The following CDH23 variants were observed in gnomAD, a reference collection of about 807,000 sequenced individuals.
CDH23 encodes the protein cadherin related 23, also known as cadherin-23.
In CDH23, 189 loss-of-function variants were observed where a neutral mutation model predicts 317.1. The ratio of observed to expected loss-of-function variants is 0.60; its 90% confidence interval spans 0.53 to 0.67. The LOEUF is 0.67. Ranked by LOEUF, CDH23 falls within the 30% of genes least tolerant of loss-of-function variation. The probability of loss-of-function intolerance (pLI) is 0.00; values close to 1 mark genes in which losing one functional copy is unlikely to be tolerated. For missense variants in CDH23, 4,401 were observed against 4,592.4 expected (o/e 0.96, Z 1.20); for synonymous variants, 1,839 against 1,876.8 (o/e 0.98, Z 0.52).
At chr10:71,493,669 A>G (rs1419634248) in intron 3 of CDH23, among the ~76,000 whole-genome samples, 7 of 152,202 alleles carry the variant, frequency 4.6e-5, no homozygotes, top group Admixed American at 4.6e-4. Flanking sequence ...CGTTACTGTA[A>G]TAAAGGCTCT....
intron 16 of CDH23, among the ~76,000 whole-genome samples, chr10:71,678,266 G>A (rs1025833450): frequency 6.6e-6 from 1 of 152,128 alleles, no homozygotes; most frequent in African/African-American, 2.4e-5. Flanking sequence ...GCTGCAGCTG[G>A]AAGGAGCCAC....
At chr10:71,549,100 C>G (rs1230746887) in intron 6 of CDH23, among the ~76,000 whole-genome samples, 1 of 152,220 alleles carries the variant, frequency 6.6e-6, no homozygotes, top group Non-Finnish European at 1.5e-5. Context: ...GTGGATATGG[C>G]CCACTACTGA....
chr10:71,537,362 G>A (rs1855758585), intron 6 of CDH23, among the ~76,000 whole-genome samples: 1 of 152,200 alleles, frequency 6.6e-6, no homozygotes, highest in African/African-American at 2.4e-5. Context: ...GACACGGTGG[G>A]GAGGGGTAGT....
chr10:71,495,051 G>C (rs1852884799), intron 3 of CDH23, among the ~76,000 whole-genome samples: 1 of 152,166 alleles, frequency 6.6e-6, no homozygotes, highest in South Asian at 2.1e-4. Context: ...CCCTGCCCCT[G>C]AGTGGGGGCA....
At chr10:71,811,081 C>CAA (rs35466313) in intron 62 of CDH23, among the ~76,000 whole-genome samples, 3,352 of 66,950 alleles carry the variant, frequency 0.05, 209 homozygotes, top group African/African-American at 0.16. Context: ...GACTCCATCT[C>CAA]AAAAAAAAAA....
chr10:71,783,550 A>G (rs1841014254), intron 41 of CDH23, among the ~76,000 whole-genome samples: 1 of 152,222 alleles, frequency 6.6e-6, no homozygotes, highest in African/African-American at 2.4e-5. Flanking sequence ...CCAGGTCAGC[A>G]TCTGAGAATC....
chr10:71,805,987 C>G lies in CDH23; in HGVS notation c.8054C>G (p.Ala2685Gly). The change falls in exon 56 of 70, where the codon GCG becomes GGG. Residue 2685 changes from alanine to glycine, a missense_variant. By Grantham distance (60) the Ala-to-Gly change is moderately conservative (BLOSUM62 0). Around this residue, in one of 3 missense-constraint regions of CDH23, gnomAD observed 1,144 missense variants for 1,138.2 expected, o/e 1.01. Transcript: ENST00000224721. ...CAGCGCCTGGACCGCGAGTCGCAGG[C>G]GGTGTACAGCGTAAGGGCGGGGCCC... Reference protein sequence around the residue: ...TAQRLDRESQAVYSLILVASD... With the variant: ...TAQRLDRESQGVYSLILVASD... The G allele has an allele frequency of 7.7e-7, 1 of 1,296,928 alleles. No homozygotes were observed. Among genetic ancestry groups the G allele is most frequent in the Admixed American group, 2.0e-5 (1 of 50,274 alleles). The allele number at this position is 1,296,928 out of a possible 1,614,324, so 80.3% of individuals were successfully genotyped here. A position where few individuals can be genotyped will look rare whatever the true frequency, so the allele number is the denominator to read the frequency against.
At chr10:71,716,258 C>T (rs560620908) in intron 28 of CDH23, 68 of 1,544,448 alleles carry the variant, frequency 4.4e-5, no homozygotes, top group Non-Finnish European at 6.0e-5. Context: ...TGCAAGGGTC[C>T]CGGGAGTGAC....
At chr10:71,511,821 A>G (rs114897661) in intron 6 of CDH23, 7,515 of 155,754 alleles carry the variant, frequency 0.048, 645 homozygotes, top group African/African-American at 0.17. Flanking sequence ...CGATGGCACC[A>G]GGGTTCCCAC....
chr10:71,797,398 G>A (rs1841432092), intron 49 of CDH23, among the ~76,000 whole-genome samples, 178 bp downstream of exon 49: 1 of 152,148 alleles, frequency 6.6e-6, no homozygotes, highest in Admixed American at 6.5e-5. Flanking sequence ...TGAGGCCCAG[G>A]GTGGTGATGG....
chr10:71,520,497 A>C (rs1854609315), intron 6 of CDH23, among the ~76,000 whole-genome samples: 1 of 152,206 alleles, frequency 6.6e-6, no homozygotes, highest in Non-Finnish European at 1.5e-5. Flanking sequence ...GGGCCATCAA[A>C]GGTGGCTGGG....
intron 41 of CDH23, among the ~76,000 whole-genome samples, chr10:71,780,382 G>T (rs915215452): frequency 6.6e-6 from 1 of 152,204 alleles, no homozygotes; most frequent in Admixed American, 6.5e-5. Flanking sequence ...GGAGGATGGG[G>T]AATGCCAGGG....
At chr10:71,728,205 C>T (rs1458642236) in intron 30 of CDH23, among the ~76,000 whole-genome samples, 1 of 152,160 alleles carries the variant, frequency 6.6e-6, no homozygotes, top group Non-Finnish European at 1.5e-5. Flanking sequence ...CCGCACCCAC[C>T]CTACCCAGGA....
intron 47 of CDH23, 32 bp downstream of exon 47, chr10:71,791,367 A>C: frequency 3.8e-6 from 6 of 1,577,336 alleles, no homozygotes; most frequent in South Asian, 1.1e-5. Context: ...GCACCCCACA[A>C]CCAGGGGCCG....
intron 38 of CDH23, among the ~76,000 whole-genome samples, chr10:71,771,423 A>G (rs747410320): frequency 2.6e-4 from 39 of 152,378 alleles, no homozygotes; most frequent in Middle Eastern, 3.4e-3. Context: ...GACCTTGGGC[A>G]ACATACCCAG....
At chr10:71,461,523 C>G (rs1482497377) in intron 3 of CDH23, among the ~76,000 whole-genome samples, 1 of 152,220 alleles carries the variant, frequency 6.6e-6, no homozygotes, top group African/African-American at 2.4e-5. Flanking sequence ...TGGAGAACAG[C>G]GCCAGGGTGA....
At chr10:71,633,877 G>A (rs901127704) in intron 11 of CDH23, among the ~76,000 whole-genome samples, 36 of 152,196 alleles carry the variant, frequency 2.4e-4, no homozygotes, top group Admixed American at 1.3e-3. Flanking sequence ...AACCATGCAG[G>A]AAAGGTGGAA....
intron 38 of CDH23, among the ~76,000 whole-genome samples, chr10:71,758,380 G>A (rs1017614214): frequency 1.3e-5 from 2 of 152,210 alleles, no homozygotes; most frequent in Non-Finnish European, 2.9e-5. Flanking sequence ...CACATACAGG[G>A]TATAGAGGGG....
Position 71,799,364 on chromosome 10 carries a change from G to A in CDH23, c.7224+84G>A, listed in dbSNP as rs1841493882. 1.3e-5 allele frequency: 21 copies of A among 1,606,028 alleles called. No individual in the cohort carries two copies. The South Asian group carries it at 2.1e-4, about 16-fold the overall frequency. ...GGCATCTTCCTCTCCCACCCTGCCA[G>A]CCTCTAAGCCCCCTGGGAGTGCCCA... On this transcript the variant is annotated intron_variant, in intron 51 of 69. Coordinates refer to ENST00000224721, the MANE Select transcript of CDH23 (RefSeq NM_022124.6).
Sources: gnomAD v4.1 joint callset for allele counts (sites outside exome capture counted in the v4.1 genomes callset) on GRCh38, gnomAD v4.1.1 for gene constraint, gnomAD v4.1.1 regional missense constraint, MANE v1.5 for transcripts, NCBI Gene and HGNC (gene_info 2026-07-23, HGNC 2026-07-21) for gene names.